Variants in XXYLT1 observed in about 807,000 individuals in gnomAD.
The protein encoded by XXYLT1 is UDP-xylose:alpha-xyloside alpha-1,3-xylosyltransferase.
Under a neutral mutation model 28.9 loss-of-function variants are expected in XXYLT1, and 20 were observed. That is an observed-to-expected ratio of 0.69 (90% confidence interval 0.49 to 1.00). The LOEUF (loss-of-function observed/expected upper bound fraction) is 1.00, where lower values mean the gene tolerates loss of function less well. Among genes scored for constraint, XXYLT1 ranks in the 50% least tolerant of loss-of-function variants. XXYLT1 has a pLI of 0.00. For synonymous variants in XXYLT1, 257 were observed against 253.8 expected (o/e 1.01, Z -0.12); for missense variants, 542 against 560.1 (o/e 0.97, Z 0.33).
At chr3:195,151,606 G>T (rs1477316523) in intron 3 of XXYLT1, among the ~76,000 whole-genome samples, 1 of 151,344 alleles carries the variant, frequency 6.6e-6, no homozygotes, top group African/African-American at 2.4e-5. Flanking sequence ...ATAAATAATT[G>T]TTTAGATAAA....
intron 1 of XXYLT1, among the ~76,000 whole-genome samples, chr3:195,242,692 C>T (rs1049377814): frequency 6.6e-6 from 1 of 152,114 alleles, no homozygotes; most frequent in East Asian, 1.9e-4. Context: ...TTGATTTGTC[C>T]AGGTATGTTA....
chr3:195,221,742 AT>A (rs1470403666), intron 2 of XXYLT1, among the ~76,000 whole-genome samples: 35 of 145,894 alleles, frequency 2.4e-4, no homozygotes, highest in African/African-American at 9.7e-4. Context: ...GCGGCAAAAA[AT>A]GTTTTTTTTT....
chr3:195,202,002 C>T (rs1245582267), intron 2 of XXYLT1, among the ~76,000 whole-genome samples: 2 of 152,102 alleles, frequency 1.3e-5, no homozygotes, highest in African/African-American at 4.8e-5. Flanking sequence ...CATGGAGAAA[C>T]CCCGTCTCTA....
At chr3:195,082,615 G>C (rs1715497412) in intron 3 of XXYLT1, among the ~76,000 whole-genome samples, 1 of 152,226 alleles carries the variant, frequency 6.6e-6, no homozygotes, top group African/African-American at 2.4e-5. Context: ...CACTTTGGGA[G>C]GCTGAGGCGG....
intron 3 of XXYLT1, among the ~76,000 whole-genome samples, chr3:195,086,405 T>C (rs1189613060): frequency 1.3e-5 from 2 of 152,212 alleles, no homozygotes; most frequent in Non-Finnish European, 2.9e-5. Context: ...CCTGCTTCCC[T>C]GGAACAGAGG....
intron 3 of XXYLT1, among the ~76,000 whole-genome samples, chr3:195,145,500 G>A (rs1041121027): frequency 6.8e-6 from 1 of 148,054 alleles, no homozygotes; most frequent in African/African-American, 2.6e-5. Flanking sequence ...CTCACTCCAC[G>A]GTGACCGGCA....
At chr3:195,185,503 G>GTTT (rs10576287) in intron 2 of XXYLT1, among the ~76,000 whole-genome samples, 2 of 126,160 alleles carry the variant, frequency 1.6e-5, no homozygotes, top group African/African-American at 3.0e-5. Context: ...TTAGGGCTGG[G>GTTT]TTTTTTTTTT....
intron 3 of XXYLT1, among the ~76,000 whole-genome samples, chr3:195,126,669 A>C (rs1002072078): frequency 2.6e-5 from 4 of 152,236 alleles, no homozygotes; most frequent in Non-Finnish European, 5.9e-5. Context: ...GATACAAAAA[A>C]TAGACATCCC....
chr3:195,198,254 T>C (rs918288755), intron 2 of XXYLT1, among the ~76,000 whole-genome samples: 3 of 152,136 alleles, frequency 2.0e-5, no homozygotes, highest in Non-Finnish European at 2.9e-5. Context: ...AATATTGGCA[T>C]GGGTGATTCA....
intron 2 of XXYLT1, among the ~76,000 whole-genome samples, chr3:195,198,193 C>T (rs1315097689): frequency 6.6e-6 from 1 of 152,154 alleles, no homozygotes; most frequent in African/African-American, 2.4e-5. Flanking sequence ...AGTACTGACA[C>T]AAACATCTCA....
At chr3:195,116,939 A>G (rs534083152) in intron 3 of XXYLT1, among the ~76,000 whole-genome samples, 8 of 152,318 alleles carry the variant, frequency 5.3e-5, no homozygotes, top group Middle Eastern at 3.4e-3. Flanking sequence ...AATGAAACAA[A>G]GTAACAATGA....
chr3:195,153,700 G>C (rs186527501), intron 3 of XXYLT1, among the ~76,000 whole-genome samples: 1 of 152,186 alleles, frequency 6.6e-6, no homozygotes, highest in African/African-American at 2.4e-5. Context: ...TAAAATCCTA[G>C]ATCTACAGAA....
Position 195,256,259 on chromosome 3 carries a change from G to A in XXYLT1, c.504+14296C>T, listed in dbSNP as rs75059565. 1.3e-5 allele frequency among the ~76,000 whole-genome samples: 2 copies of A among 152,206 alleles called. No individual in the cohort carries two copies. Among genetic ancestry groups the A allele is most frequent in the African/African-American group, 4.8e-5 (2 of 41,454 alleles). ...CTAGCTACCCCTCACAGGCCTGGCT[G>A]CTCCAAGGTTAAATGAGGGAGGAAA... On this transcript the variant is annotated intron_variant, in intron 1 of 3. Coordinates refer to ENST00000310380, the MANE Select transcript of XXYLT1 (RefSeq NM_152531.5). This position sits in a 1 kb window ranked among gnomAD's most constrained non-coding sequence, Gnocchi z 4.2.
chr3:195,095,434 C>G (rs1282844786), intron 3 of XXYLT1: 1 of 153,886 alleles, frequency 6.5e-6, no homozygotes, highest in African/African-American at 2.4e-5. Flanking sequence ...GGGGCCAGCA[C>G]AGAACCTGTG....
In XXYLT1 at chr3:195,076,842, G is replaced by A. The variant is rs552147427; in HGVS notation, c.786-6731C>T. ...CCACATTGCCCCTTTCTATCAAGAC[G>A]CCAGCCATAAGGATCCGGGCCTGCC... On this transcript the variant is annotated intron_variant, in intron 3 of 3. Transcript: ENST00000310380. The surrounding 1 kb of genome is among the most constrained non-coding windows in gnomAD (Gnocchi z 5.3). Among the ~76,000 whole-genome samples the A allele has an allele frequency of 5.3e-5, 8 of 152,158 alleles. No homozygotes were observed. The highest frequency in any genetic ancestry group is 3.9e-4 in the East Asian group (2 of 5,176).
intron 3 of XXYLT1, among the ~76,000 whole-genome samples, chr3:195,144,783 C>T (rs1303913910): frequency 6.6e-6 from 1 of 152,118 alleles, no homozygotes; most frequent in Admixed American, 6.6e-5. Flanking sequence ...TGTGTGATGC[C>T]TTTAACCTTG....
chr3:195,265,589 A>G (rs1725825219), intron 1 of XXYLT1, among the ~76,000 whole-genome samples: 1 of 152,230 alleles, frequency 6.6e-6, no homozygotes, highest in Admixed American at 6.5e-5. Context: ...GCTGGCCAGC[A>G]TGGGGAAGGA....
intron 3 of XXYLT1, among the ~76,000 whole-genome samples, chr3:195,122,491 T>C (rs2108616296): frequency 6.9e-6 from 1 of 144,850 alleles, no homozygotes; most frequent in East Asian, 2.2e-4. Flanking sequence ...CAGTACTCAG[T>C]ATCAGTACAG....
chr3:195,244,520 G>C (rs535034788), intron 1 of XXYLT1, among the ~76,000 whole-genome samples: 1 of 152,006 alleles, frequency 6.6e-6, no homozygotes, highest in African/African-American at 2.4e-5. Context: ...CCAGCACTTT[G>C]GGAGGCCAAG....
Sources: allele counts gnomAD v4.1 joint callset (sites outside exome capture counted in the v4.1 genomes callset), GRCh38; gene constraint gnomAD v4.1.1; non-coding constraint Gnocchi (gnomAD v3.1); transcripts MANE v1.5; gene names NCBI Gene and HGNC (gene_info 2026-07-23, HGNC 2026-07-21).